The following TARBP1 variants were observed in gnomAD, a reference collection of about 807,000 sequenced individuals.
TARBP1 encodes tRNA (guanosine(18)-2'-O)-methyltransferase TARBP1.
TARBP1 carries 144 observed loss-of-function variants against 178.6 expected under a neutral mutation model. The ratio of observed to expected loss-of-function variants is 0.81; its 90% CI spans 0.70 to 0.93. The LOEUF (loss-of-function observed/expected upper bound fraction) is 0.93. Among genes scored for constraint, TARBP1 ranks in the 40% least tolerant of loss-of-function variants. The pLI is 0.00. For synonymous variants in TARBP1, 787 were observed against 781.0 expected (o/e 1.01, Z -0.13); for missense variants, 2,067 against 2,011.7 (o/e 1.03, Z -0.53).
At position 234,424,125 on chromosome 1, in the gene TARBP1, A is replaced by G. The variant is rs1339265252; in HGVS notation, c.3444+1548T>C. ...GCTGACCTGCTACCTTCAGAAAATA[A>G]AAGTATGATGAATACTCCTGTTTTA... On this transcript the variant is annotated intron_variant, in intron 20 of 29. Transcript: ENST00000040877. Among the ~76,000 whole-genome samples, 5 of 152,240 alleles carry G rather than the reference A, an allele frequency of 3.3e-5. No individual in the cohort carries two copies. The East Asian group carries it at 9.6e-4, about 29-fold the overall frequency.
chr1:234,451,394 G>T (rs1666733766), intron 9 of TARBP1, among the ~76,000 whole-genome samples: 1 of 151,936 alleles, frequency 6.6e-6, no homozygotes, highest in East Asian at 1.9e-4. Context: ...TGTCCATTAG[G>T]GTTACCCAAA....
chr1:234,461,468 C>G (rs1161607256), intron 6 of TARBP1, among the ~76,000 whole-genome samples: 1 of 152,068 alleles, frequency 6.6e-6, no homozygotes, highest in East Asian at 1.9e-4. Context: ...CCACCACACC[C>G]GGCTAATTTT....
chr1:234,451,766 A>AAACAAAAAAAC lies in TARBP1; in HGVS notation c.1723-1201_1723-1200insGTTTTTTTGTT, dbSNP rs57636903. On this transcript the variant is annotated intron_variant, in intron 9 of 29. Coordinates refer to ENST00000040877, the MANE Select transcript of TARBP1 (RefSeq NM_005646.4). ...TCCGTCTCAAAAAAAAAAAAAAAAA[A>AAACAAAAAAAC]TGATGAATGACTGGATCATCGAAGT... is the stretch of plus-strand genomic sequence containing the variant. 2.9e-4 allele frequency among the ~76,000 whole-genome samples: 5 copies of AAACAAAAAAAC among 17,166 alleles called. 1 individual carries two copies. The highest frequency in any genetic ancestry group is 4.4e-4 in the Non-Finnish European group (5 of 11,338). The allele number at this position is 17,166 out of a possible 152,430, so 11.3% of individuals were successfully genotyped here. A position where few individuals can be genotyped will look rare whatever the true frequency, so the allele number is the denominator to read the frequency against.
chr1:234,431,156 C>T (rs1195399352), intron 14 of TARBP1, among the ~76,000 whole-genome samples: 1 of 152,192 alleles, frequency 6.6e-6, no homozygotes, highest in African/African-American at 2.4e-5. Context: ...CCAGTAATGT[C>T]TGTATCAGAA....
chr1:234,430,108 G>A lies in TARBP1; in HGVS notation c.2588C>T (p.Ala863Val), dbSNP rs139597411. The A allele has an allele frequency of 2.1e-3, 3,361 of 1,613,670 alleles. 8 individuals carry two copies. Among genetic ancestry groups the A allele is most frequent in the South Asian group, 8.1e-3 (739 of 91,072 alleles). ...GTACCTGCTGCACTCCAAGGGGTGA[G>A]CATAACTGCTCTGCTCCTCTGCGTG... ...KPHAEEQSSY[A>V]HPLECSSVLE... Residue 863 changes from alanine (A) to valine (V), a missense_variant, in exon 15 of 30, where the codon GCT becomes GTT. Ala to Val is a moderately conservative substitution (Grantham distance 64). Transcript: ENST00000040877.
At chr1:234,434,024 C>T (rs148022912) in intron 13 of TARBP1, among the ~76,000 whole-genome samples, 108 of 152,316 alleles carry the variant, frequency 7.1e-4, no homozygotes, top group African/African-American at 2.2e-3. Context: ...AACTTAAATG[C>T]ACATTTTTTG....
At chr1:234,456,713 T>C (rs540168152) in intron 9 of TARBP1, among the ~76,000 whole-genome samples, 24 of 152,208 alleles carry the variant, frequency 1.6e-4, no homozygotes, top group Non-Finnish European at 2.9e-4. Flanking sequence ...TACTTATCTA[T>C]AATGAGAAGG....
chr1:234,463,866 T>A lies in TARBP1; in HGVS notation c.1370A>T (p.Tyr457Phe), dbSNP rs1002233430. Residue 457 changes from tyrosine (Y) to phenylalanine (F), a missense_variant, in exon 6 of 30, where the codon TAT becomes TTT. Transcript: ENST00000040877. ...TATTTCTTCTGGAAGAAGAGAAATA[T>A]AAGTGACTAAAAACTTCTGTAATTT... ...GLKLQKFLVT[Y>F]ISLLPEEIKS... 8.2e-6 allele frequency: 13 copies of A among 1,594,190 alleles called. No individual in the cohort carries two copies. Among genetic ancestry groups the A allele is most frequent in the African/African-American group, 1.4e-5 (1 of 74,060 alleles).
chr1:234,466,377 T>A (rs547786031), intron 4 of TARBP1, among the ~76,000 whole-genome samples: 1 of 152,096 alleles, frequency 6.6e-6, no homozygotes, highest in South Asian at 2.1e-4. Context: ...CCAGGCATGG[T>A]GGCGTGCACC....
In TARBP1 at chr1:234,478,501, T is replaced by C. The variant is rs1441129631; in HGVS notation, c.603A>G (p.Gln201=). Residue 201 remains glutamine, a synonymous_variant, in exon 1 of 30, where the codon CAA becomes CAG. Coordinates refer to ENST00000040877, the MANE Select transcript of TARBP1 (RefSeq NM_005646.4). ...VAGRLLPVLV[Q]CGGAALRAVW... Reference sequence around the variant, plus strand: ...CGGCCCGCAGCGCCGCCCCGCCACATTGGACCAGCACTGGCAGCAGTCGCC... The same window carrying C: ...CGGCCCGCAGCGCCGCCCCGCCACACTGGACCAGCACTGGCAGCAGTCGCC... The C allele has an allele frequency of 1.3e-4, 187 of 1,393,150 alleles. No homozygotes were observed. The highest frequency in any genetic ancestry group is 1.7e-4 in the Non-Finnish European group (180 of 1,070,762). The allele number at this position is 1,393,150 out of a possible 1,614,324, so 86.3% of individuals were successfully genotyped here. A position where few individuals can be genotyped will look rare whatever the true frequency, so the allele number is the denominator to read the frequency against.
chr1:234,448,376 C>T, intron 11 of TARBP1, 104 bp downstream of exon 11: 1 of 920,688 alleles, frequency 1.1e-6, no homozygotes. Flanking sequence ...TTCCTTGACA[C>T]CTTGTGGTCA....
Position 234,457,707 on chromosome 1 carries a change from T to C in TARBP1, c.1682A>G (p.Gln561Arg), listed in dbSNP as rs898465781. ...DVSTFLMSLR[Q>R]EESLGRGTSL... is the part of the protein sequence containing the mutation. ...AGTTCCTCGTCCTAAGGATTCCTCT[T>C]GTCTCAGAGACATGAGAAAAGTTGA... Residue 561 changes from glutamine to arginine, a missense_variant, in exon 9 of 30, where the codon CAA (glutamine) becomes CGA (arginine). Transcript: ENST00000040877. 2 of 1,610,398 alleles carry C rather than the reference T, an allele frequency of 1.2e-6. No homozygotes were observed. Among genetic ancestry groups the C allele is most frequent in the Admixed American group, 1.7e-5 (1 of 59,882 alleles).
intron 21 of TARBP1, 100 bp downstream of exon 21, chr1:234,420,602 A>T: frequency 1.1e-5 from 7 of 655,116 alleles, no homozygotes; most frequent in Non-Finnish European, 1.4e-5. Context: ...TTTAAACATT[A>T]TCTTTTTCAA....
In TARBP1 at chr1:234,393,396, C is replaced by G. The variant is rs150786488; in HGVS notation, c.4526G>C (p.Ser1509Thr). Residue 1509 changes from serine (S) to threonine (T), a missense_variant, in exon 28 of 30, where the codon AGT becomes ACT. Ser to Thr is a moderately conservative substitution (Grantham distance 58). Transcript: ENST00000040877. ...AGGAAGCCACTGTTCTGCAGAGACA[C>G]TGAGGTGCTGAAACTGTTTGTCGCT... The part of the protein sequence containing the change: ...CISDKQFQHL[S>T]VSAEQWLPLV... 8 of 1,603,910 alleles carry G rather than the reference C, an allele frequency of 5.0e-6. No individual in the cohort carries two copies. The African/African-American group carries it at 1.1e-4, about 22-fold the overall frequency.
chr1:234,438,575 A>T (rs1383834121), intron 12 of TARBP1, among the ~76,000 whole-genome samples: 3 of 152,222 alleles, frequency 2.0e-5, no homozygotes, highest in African/African-American at 7.2e-5. Context: ...GATCAACAAA[A>T]ATATGACATC....
At chr1:234,412,437 G>T (rs1452724670) in intron 22 of TARBP1, among the ~76,000 whole-genome samples, 1 of 148,164 alleles carries the variant, frequency 6.7e-6, no homozygotes, top group Non-Finnish European at 1.5e-5. Flanking sequence ...AAAAAAAAAA[G>T]ACAATATGGG....
chr1:234,443,117 CCT>C (rs772121941), intron 12 of TARBP1, among the ~76,000 whole-genome samples: 4 of 151,980 alleles, frequency 2.6e-5, no homozygotes, highest in Middle Eastern at 6.8e-3. Context: ...ATGCAGAAAC[CCT>C]GTTTCTAATA....
rs1669842607 is a variant in TARBP1, at chr1:234,478,808, G to A, written c.296C>T (p.Ala99Val). ...QPRHRRRVLR[A>V]AGAALRSCVR... ...GCACGAGCGCAGGGCCGCGCCCGCCGCCCTCAGCACGCGCCGGCGGTGGCG... is the reference window on the plus strand; with the variant it reads ...GCACGAGCGCAGGGCCGCGCCCGCCACCCTCAGCACGCGCCGGCGGTGGCG... The change falls in exon 1 of 30, where the codon GCG (alanine) becomes GTG (valine). Residue 99 changes from alanine (A) to valine (V), a missense_variant. Ala to Val is a moderately conservative substitution (Grantham distance 64). Transcript: ENST00000040877. 1.2e-5 allele frequency: 14 copies of A among 1,152,440 alleles called. No homozygotes were observed. The highest frequency in any genetic ancestry group is 8.3e-5 in the South Asian group (2 of 24,188). 71.4% of individuals were successfully genotyped at this position (1,152,440 alleles called of 1,614,324 possible). A position where few individuals can be genotyped will look rare whatever the true frequency, so the allele number is the denominator to read the frequency against.
rs185643934 is a variant in TARBP1, at chr1:234,411,616, A to T, written c.3706-1085T>A. Among the ~76,000 whole-genome samples the T allele has an allele frequency of 4.9e-3, 741 of 152,332 alleles. 4 individuals are homozygous for T. The highest frequency in any genetic ancestry group is 6.9e-3 in the Non-Finnish European group (470 of 68,034). ...GATGGAGATAAGGCTCAAAAGTTAA[A>T]TGGAATCATACTGTAGAGGCTTTAA... On this transcript the variant is annotated intron_variant, in intron 22 of 29. Transcript: ENST00000040877.
Sources: allele counts gnomAD v4.1 joint callset (sites outside exome capture counted in the v4.1 genomes callset), GRCh38; gene constraint gnomAD v4.1.1; transcripts MANE v1.5; gene names NCBI Gene and HGNC (gene_info 2026-07-23, HGNC 2026-07-21).